ZP3: variants seen among roughly 807,000 people sequenced by gnomAD.
ZP3 encodes zona pellucida sperm-binding protein 3.
ZP3 carries 21 observed loss-of-function variants against 35.6 expected under a neutral mutation model. That is an observed-to-expected ratio of 0.59 (90% CI 0.42 to 0.85). The LOEUF (loss-of-function observed/expected upper bound fraction) is 0.85, where lower values mean the gene tolerates loss of function less well. Among genes scored for constraint, ZP3 ranks in the 40% least tolerant of loss-of-function variants. The probability of loss-of-function intolerance (pLI) is 0.00; values close to 1 mark genes in which losing one functional copy is unlikely to be tolerated. For missense variants in ZP3, 437 were observed against 536.5 expected (o/e 0.81, Z 1.83); for synonymous variants, 207 against 214.5 (o/e 0.96, Z 0.31).
chr7:76,411,428 A>G (rs967338468), intron 1 of ZP3, among the ~76,000 whole-genome samples: 1 of 152,028 alleles, frequency 6.6e-6, no homozygotes, highest in Non-Finnish European at 1.5e-5. Context: ...ATAGCCGGGC[A>G]TGATGGTGCG....
At chr7:76,430,283 G>GGTT (rs1334319818) in intron 2 of ZP3, among the ~76,000 whole-genome samples, 2 of 152,146 alleles carry the variant, frequency 1.3e-5, no homozygotes, top group African/African-American at 4.8e-5. Flanking sequence ...ACTCTTCTGT[G>GGTT]GTCCTCAAGC....
At chr7:76,436,051 T>C (rs1584070742) in intron 5 of ZP3, among the ~76,000 whole-genome samples, 7 of 64,742 alleles carry the variant, frequency 1.1e-4, no homozygotes, top group Admixed American at 1.5e-4. Context: ...TTTTTTTTTT[T>C]TTTTTTTTTT....
At chr7:76,419,462 A>G (rs1327461710) in intron 1 of ZP3, among the ~76,000 whole-genome samples, 2 of 152,072 alleles carry the variant, frequency 1.3e-5, no homozygotes. Context: ...ATGTTTCCAC[A>G]TATGCACGTG....
chr7:76,429,635 T>A lies in ZP3; in HGVS notation c.431+2T>A. On this transcript the variant is annotated splice_donor_variant, in intron 2 of 7. Transcript: ENST00000394857. LOFTEE classifies it high-confidence loss of function. ...TCCCATCGAGTGCCGCTACCCCAGG[T>A]CGGTGTGGGACTGACTCATGGCCCC... The A allele has an allele frequency of 6.2e-7, 1 of 1,613,660 alleles. No homozygotes were observed. The highest frequency in any genetic ancestry group is 8.5e-7 in the Non-Finnish European group (1 of 1,179,724).
At chr7:76,426,382 C>G (rs1015675973) in intron 1 of ZP3, among the ~76,000 whole-genome samples, 4 of 152,206 alleles carry the variant, frequency 2.6e-5, no homozygotes, top group Non-Finnish European at 4.4e-5. Flanking sequence ...AGGGCCTGTC[C>G]TCTCCCGCCT....
chr7:76,400,248 AGTCT>A, intron 1 of ZP3: 2 of 1,431,538 alleles, frequency 1.4e-6, no homozygotes, highest in Non-Finnish European at 1.8e-6. Context: ...TGCCTGCCAC[AGTCT>A]GTCTGTCCCT....
rs552823307 is a variant in ZP3 at position 76,425,153 on chromosome 7, G to A, written c.189G>A (p.Gly63=). Residue 63 remains glycine, a synonymous_variant, in exon 1 of 8, where the codon GGG becomes GGA. Coordinates refer to ENST00000394857, the MANE Select transcript of ZP3 (RefSeq NM_001110354.2). ...VMVSKDLFGT[G]KLIRAADLTL... is the part of the protein sequence containing the mutation. ...TCAGCAAAGACCTTTTTGGCACCGG[G>A]AAGCTCATCAGGGCTGCTGACCTCA... 6.2e-7 allele frequency: 1 copy of A among 1,614,004 alleles called. No individual in the cohort carries two copies. The highest frequency in any genetic ancestry group is 2.2e-5 in the East Asian group (1 of 44,884).
chr7:76,412,455 G>T (rs571738335), intron 1 of ZP3, among the ~76,000 whole-genome samples: 4 of 152,274 alleles, frequency 2.6e-5, no homozygotes, highest in Non-Finnish European at 1.5e-5. Flanking sequence ...TTATGATGAT[G>T]AAATAGTTTT....
At chr7:76,416,222 G>A (rs1168201050) in intron 1 of ZP3, among the ~76,000 whole-genome samples, 1 of 151,650 alleles carries the variant, frequency 6.6e-6, no homozygotes, top group Admixed American at 6.6e-5. Context: ...GAGCCCAGGA[G>A]TTGAAGACCA....
At chr7:76,425,432 G>C (rs941386720) in intron 1 of ZP3, among the ~76,000 whole-genome samples, 156 bp downstream of exon 1, 20 of 152,156 alleles carry the variant, frequency 1.3e-4, no homozygotes, top group Non-Finnish European at 2.4e-4. Context: ...CTGGCACTGA[G>C]GTCACCGGAC....
At chr7:76,415,378 A>AAAAAAAAAAAAAAAAAAAAC in intron 1 of ZP3, among the ~76,000 whole-genome samples, 1 of 150,226 alleles carries the variant, frequency 6.7e-6, no homozygotes, top group Non-Finnish European at 1.5e-5. Context: ...AAAAAAAAAA[A>AAAAAAAAAAAAAAAAAAAAC]AGGTCTGGAA....
chr7:76,435,983 C>T (rs1805987736), intron 5 of ZP3, among the ~76,000 whole-genome samples: 1 of 150,198 alleles, frequency 6.7e-6, no homozygotes, highest in Admixed American at 6.7e-5. Context: ...CTCAGCTTCC[C>T]AAAGTGCTGG....
intron 1 of ZP3, among the ~76,000 whole-genome samples, chr7:76,419,116 C>A (rs901427696): frequency 6.6e-6 from 1 of 151,976 alleles, no homozygotes; most frequent in Non-Finnish European, 1.5e-5. Context: ...TCAGTCTAGT[C>A]CCTGCCGTAT....
chr7:76,433,144 G>GTT, intron 3 of ZP3, 114 bp downstream of exon 3: 1 of 705,212 alleles, frequency 1.4e-6, no homozygotes, highest in East Asian at 2.7e-5. Flanking sequence ...GTTGGTTTTG[G>GTT]TTGGTTTTGG....
At chr7:76,428,147 GA>G (rs1563698533) in intron 1 of ZP3, among the ~76,000 whole-genome samples, 3 of 143,796 alleles carry the variant, frequency 2.1e-5, no homozygotes, top group African/African-American at 8.2e-5. Flanking sequence ...CTAACATGGC[GA>G]AACCCTGTCT....
intron 1 of ZP3, among the ~76,000 whole-genome samples, chr7:76,402,111 C>G (rs546104570): frequency 6.6e-6 from 1 of 151,832 alleles, no homozygotes; most frequent in African/African-American, 2.4e-5. Flanking sequence ...CCTCCAATAC[C>G]GGAGTTCAAT....
intron 2 of ZP3, 62 bp downstream of exon 2, chr7:76,429,695 A>C (rs1805774260): frequency 7.0e-7 from 1 of 1,437,044 alleles, no homozygotes; most frequent in African/African-American, 1.4e-5. Context: ...GCTGCAGGCA[A>C]GTGGGCTGGC....
chr7:76,411,832 C>CA (rs962725375), intron 1 of ZP3, among the ~76,000 whole-genome samples: 3 of 151,706 alleles, frequency 2.0e-5, no homozygotes, highest in African/African-American at 4.8e-5. Context: ...TACATCTTCA[C>CA]AAAAAAAACC....
rs529368560 is a variant in ZP3 at position 76,440,145 on chromosome 7, C to T, written c.832-105C>T. The T allele has an allele frequency of 4.1e-5, 61 of 1,474,932 alleles. No homozygotes were observed. In the African/African-American group the frequency reaches 6.6e-4, roughly 16 times the overall value. 91.4% of individuals were successfully genotyped at this position (1,474,932 alleles called of 1,614,324 possible). A position where few individuals can be genotyped will look rare whatever the true frequency, so the allele number is the denominator to read the frequency against. ...TATAGGTGTGTGCCAATGCACCCGG[C>T]CCCTTCTCACTCTTTAAAGGGTTGA... On this transcript the variant is annotated intron_variant, in intron 5 of 7. Transcript: ENST00000394857.
Sources: gnomAD v4.1 joint callset for allele counts (sites outside exome capture counted in the v4.1 genomes callset) on GRCh38, gnomAD v4.1.1 for gene constraint, MANE v1.5 for transcripts, NCBI Gene and HGNC (gene_info 2026-07-23, HGNC 2026-07-21) for gene names.